BCKDHB: variants seen among roughly 807,000 people sequenced by gnomAD.
BCKDHB encodes branched chain keto acid dehydrogenase E1 subunit beta, also known as 2-oxoisovalerate dehydrogenase subunit beta, mitochondrial.
In BCKDHB, 41 loss-of-function variants were observed where a neutral mutation model predicts 48.5. The ratio of observed to expected loss-of-function variants is 0.85; its 90% CI spans 0.66 to 1.10. The LOEUF (loss-of-function observed/expected upper bound fraction) is 1.10. BCKDHB is among the 50% of genes least tolerant of loss of function. The pLI is 0.00. For synonymous variants in BCKDHB, 201 were observed against 174.8 expected (o/e 1.15, Z -1.18); for missense variants, 496 against 494.2 (o/e 1.00, Z -0.03).
At chr6:80,127,759 A>G in intron 2 of BCKDHB, 135 bp downstream of exon 2, 1 of 864,554 alleles carries the variant, frequency 1.2e-6, no homozygotes, top group Non-Finnish European at 2.0e-6. Flanking sequence ...TTGGGGCTAA[A>G]TAATCAAATT....
intron 8 of BCKDHB, among the ~76,000 whole-genome samples, chr6:80,256,263 G>A (rs540063183): frequency 1.3e-5 from 2 of 152,208 alleles, no homozygotes; most frequent in African/African-American, 4.8e-5. Flanking sequence ...AGGCAATTTT[G>A]TTGTGCAAAT....
chr6:80,411,983 A>G, the BCKDHB span, among the ~76,000 whole-genome samples: 1 of 152,190 alleles, frequency 6.6e-6, no homozygotes, highest in Admixed American at 6.5e-5. Flanking sequence ...AGCCAGTCCC[A>G]GTGAGATGAA....
At chr6:80,320,970 CCT>C (rs1324945268) in intron 9 of BCKDHB, among the ~76,000 whole-genome samples, 1 of 152,050 alleles carries the variant, frequency 6.6e-6, no homozygotes, top group African/African-American at 2.4e-5. Flanking sequence ...TCTGATATCC[CCT>C]GTCCCCTGAA....
intron 8 of BCKDHB, among the ~76,000 whole-genome samples, chr6:80,256,460 C>T (rs1653876280): frequency 6.6e-6 from 1 of 152,112 alleles, no homozygotes; most frequent in Non-Finnish European, 1.5e-5. Context: ...AGAAAAGGTA[C>T]AGTCAAAATA....
At chr6:80,173,431 C>T (rs920148884) in intron 6 of BCKDHB, among the ~76,000 whole-genome samples, 1 of 152,132 alleles carries the variant, frequency 6.6e-6, no homozygotes, top group African/African-American at 2.4e-5. Flanking sequence ...GGGCTAACCA[C>T]CAAAGTCTTC....
At chr6:80,285,128 CT>C (rs1766564912) in intron 9 of BCKDHB, among the ~76,000 whole-genome samples, 1 of 152,094 alleles carries the variant, frequency 6.6e-6, no homozygotes, top group Non-Finnish European at 1.5e-5. Context: ...AAAATTTATA[CT>C]TTATTTTTTA....
chr6:80,374,684 C>A, the BCKDHB span: 1 of 382,914 alleles, frequency 2.6e-6, no homozygotes, highest in South Asian at 3.3e-5. Flanking sequence ...CTATTCTATT[C>A]ACCATGCTAT....
At chr6:80,302,024 C>A (rs1767609784) in intron 9 of BCKDHB, among the ~76,000 whole-genome samples, 1 of 152,144 alleles carries the variant, frequency 6.6e-6, no homozygotes, top group African/African-American at 2.4e-5. Context: ...CCATCTATGA[C>A]AAACCCACAG....
intron 8 of BCKDHB, 103 bp from the exon 9 acceptor site, chr6:80,273,032 T>C: frequency 1.2e-6 from 1 of 859,692 alleles, no homozygotes; most frequent in South Asian, 1.5e-5. Flanking sequence ...TTTACACTAT[T>C]TATTGAATGT....
chr6:80,205,657 A>G (rs568053528), intron 8 of BCKDHB, among the ~76,000 whole-genome samples: 1 of 152,112 alleles, frequency 6.6e-6, no homozygotes. Flanking sequence ...AAATGGTCCT[A>G]GAAACCACAG....
intron 8 of BCKDHB, among the ~76,000 whole-genome samples, chr6:80,231,279 A>C (rs1465660349): frequency 6.6e-6 from 1 of 152,226 alleles, no homozygotes; most frequent in Non-Finnish European, 1.5e-5. Flanking sequence ...GTTATAACCT[A>C]GTGTTGAAGC....
At chr6:80,151,558 A>G (rs1164152273) in intron 3 of BCKDHB, among the ~76,000 whole-genome samples, 1 of 152,140 alleles carries the variant, frequency 6.6e-6, no homozygotes, top group Non-Finnish European at 1.5e-5. Context: ...TTGAAAGAAC[A>G]ATATCAGATA....
chr6:80,161,820 T>TA (rs1772332046), intron 3 of BCKDHB, among the ~76,000 whole-genome samples: 1 of 152,226 alleles, frequency 6.6e-6, no homozygotes, highest in Non-Finnish European at 1.5e-5. Flanking sequence ...TCCTCAACTC[T>TA]GATTAGCATT....
At chr6:80,171,468 T>G in intron 6 of BCKDHB, 78 bp downstream of exon 6, 4 of 823,986 alleles carry the variant, frequency 4.9e-6, no homozygotes, top group Non-Finnish European at 7.6e-6. Context: ...TTATATCTTT[T>G]TTTTCTATAT....
At chr6:80,351,626 A>G in the BCKDHB span, among the ~76,000 whole-genome samples, 3,002 of 144,640 alleles carry the variant, frequency 0.021, 55 homozygotes, top group South Asian at 0.061. Context: ...ATATCAATAG[A>G]TCTGGAATTT....
intron 3 of BCKDHB, among the ~76,000 whole-genome samples, chr6:80,165,920 CT>C (rs1323270029): frequency 9.2e-5 from 14 of 152,122 alleles, no homozygotes; most frequent in Non-Finnish European, 1.9e-4. Flanking sequence ...ATGCTGTGCC[CT>C]TCTTTTAGGG....
chr6:80,269,999 A>G (rs1003710710), intron 8 of BCKDHB, among the ~76,000 whole-genome samples: 2 of 152,118 alleles, frequency 1.3e-5, no homozygotes, highest in African/African-American at 4.8e-5. Flanking sequence ...ATCTAATTAA[A>G]ATAGACAGAA....
chr6:80,463,627 T>G, the BCKDHB span, among the ~76,000 whole-genome samples: 1 of 152,336 alleles, frequency 6.6e-6, no homozygotes, highest in Non-Finnish European at 1.5e-5. Context: ...CTGGGATTTC[T>G]TAGCCCTTGT....
At chr6:80,325,180 T>C (rs1203929297) in intron 9 of BCKDHB, among the ~76,000 whole-genome samples, 1 of 152,218 alleles carries the variant, frequency 6.6e-6, no homozygotes, top group Non-Finnish European at 1.5e-5. Context: ...AATAATTTAC[T>C]AGATCAAACA....
Sources: gnomAD v4.1 joint callset for allele counts (sites outside exome capture counted in the v4.1 genomes callset) on GRCh38, gnomAD v4.1.1 for gene constraint, MANE v1.5 for transcripts, NCBI Gene and HGNC (gene_info 2026-07-23, HGNC 2026-07-21) for gene names.